Variants in GLDN observed in about 807,000 individuals in gnomAD.
The protein encoded by GLDN is gliomedin, also known as collomin.
GLDN carries 47 observed loss-of-function variants against 56.5 expected under a neutral mutation model. That is an observed-to-expected ratio of 0.83 (90% CI 0.66 to 1.06). The LOEUF is 1.06. GLDN is among the 50% of genes least tolerant of loss of function. The pLI is 0.00. For synonymous variants in GLDN, 332 were observed against 278.8 expected (o/e 1.19, Z -1.90); for missense variants, 782 against 714.3 (o/e 1.09, Z -1.08).
At chr15:51,343,712 A>C (rs960086922) in intron 1 of GLDN, among the ~76,000 whole-genome samples, 6 of 152,182 alleles carry the variant, frequency 3.9e-5, no homozygotes, top group Non-Finnish European at 8.8e-5. Flanking sequence ...TTGACCTTTT[A>C]GAGTCATGAG....
rs2038415496 is a variant in GLDN at position 51,407,745 on chromosome 15, G to C, written c.*2991G>C. On this transcript the variant is annotated 3_prime_UTR_variant, in exon 10 of 10. Transcript: ENST00000335449. ...ACAAGGTGAAAAGTCAAATGAAACA[G>C]TACAATTCTTGATGAGTGAGGTGTC... 1 of 152,208 alleles carries C rather than the reference G, an allele frequency of 6.6e-6. No homozygotes were observed. Among genetic ancestry groups the C allele is most frequent in the Non-Finnish European group, 1.5e-5 (1 of 68,042 alleles). The allele number at this position is 152,208 out of a possible 1,614,324, so 9.4% of individuals were successfully genotyped here.
At chr15:51,353,961 C>A (rs1288879618) in intron 1 of GLDN, among the ~76,000 whole-genome samples, 4 of 152,084 alleles carry the variant, frequency 2.6e-5, no homozygotes, top group Non-Finnish European at 5.9e-5. Context: ...ATTTTGCAGC[C>A]CATCCGTTGC....
At chr15:51,377,631 A>G (rs1595821061) in intron 2 of GLDN, 131 bp downstream of exon 2, 2 of 613,244 alleles carry the variant, frequency 3.3e-6, no homozygotes, top group Non-Finnish European at 5.6e-6. Flanking sequence ...AGATGTTTTT[A>G]ATGAGCTGAA....
downstream of GLDN, among the ~76,000 whole-genome samples, chr15:51,410,882 T>A (rs1172316630): frequency 6.6e-6 from 1 of 152,174 alleles, no homozygotes; most frequent in Non-Finnish European, 1.5e-5. Context: ...GCCACTGAAA[T>A]GGGGCTTTGG....
At chr15:51,367,400 G>C (rs2037427070) in intron 1 of GLDN, 1 of 152,256 alleles carries the variant, frequency 6.6e-6, no homozygotes, top group South Asian at 2.1e-4. Context: ...CAGAGCCCCA[G>C]CTCCTGTGAC....
At chr15:51,398,416 C>T (rs1354699927) in intron 6 of GLDN, among the ~76,000 whole-genome samples, 6 of 152,186 alleles carry the variant, frequency 3.9e-5, no homozygotes, top group African/African-American at 1.4e-4. Context: ...GCTAGGACTT[C>T]TCTCCCAAAG....
chr15:51,363,725 C>T (rs1416594542), intron 1 of GLDN, among the ~76,000 whole-genome samples: 2 of 152,226 alleles, frequency 1.3e-5, no homozygotes, highest in Non-Finnish European at 2.9e-5. Flanking sequence ...GGCAGCATAC[C>T]AGTCAAATCT....
chr15:51,374,048 T>A (rs2037571895), intron 1 of GLDN, among the ~76,000 whole-genome samples: 1 of 152,222 alleles, frequency 6.6e-6, no homozygotes, highest in African/African-American at 2.4e-5. Flanking sequence ...CCAATTTCGT[T>A]AAAAGACTAT....
In GLDN at chr15:51,404,452, C is replaced by T; in HGVS notation, c.1354C>T (p.Leu452=). The change falls in exon 10 of 10, where the codon CTG becomes TTG. Residue 452 remains leucine, a synonymous_variant. Transcript: ENST00000335449. The part of the protein sequence containing the change: ...VDGSSILVAQ[L]DERTFSVVQH... ...CGGCTCGAGCATTCTTGTAGCACAA[C>T]TGGATGAGAGGACATTCTCAGTGGT... 1 of 1,614,150 alleles carries T rather than the reference C, an allele frequency of 6.2e-7. No individual in the cohort carries two copies. Among genetic ancestry groups the T allele is most frequent in the Non-Finnish European group, 8.5e-7 (1 of 1,180,034 alleles).
intron 1 of GLDN, among the ~76,000 whole-genome samples, chr15:51,352,141 G>A (rs2446420): frequency 0.56 from 85,735 of 151,802 alleles, 26,893 homozygotes; most frequent in African/African-American, 0.84. Flanking sequence ...TCTAGGTGCC[G>A]AAAGATTGGG....
chr15:51,342,081 G>A, intron 1 of GLDN, 34 bp downstream of exon 1: 1 of 1,588,226 alleles, frequency 6.3e-7, no homozygotes, highest in African/African-American at 1.4e-5. Flanking sequence ...TGGCGCCCCG[G>A]CCAGGTGGGC....
At chr15:51,376,379 C>T (rs1483724930) in intron 1 of GLDN, among the ~76,000 whole-genome samples, 1 of 152,174 alleles carries the variant, frequency 6.6e-6, no homozygotes, top group Non-Finnish European at 1.5e-5. Flanking sequence ...AATGGCTCAC[C>T]TGTATAGGAC....
intron 2 of GLDN, among the ~76,000 whole-genome samples, chr15:51,379,021 A>G (rs1366428088): frequency 1.3e-5 from 2 of 152,122 alleles, no homozygotes; most frequent in African/African-American, 4.8e-5. Context: ...AAAAGCAGGC[A>G]CTCATAACTT....
rs1351339416 is a variant in GLDN, at chr15:51,392,248, A to G, written c.542-2587A>G. Among the ~76,000 whole-genome samples, 4 of 152,328 alleles carry G rather than the reference A, an allele frequency of 2.6e-5. No homozygotes were observed. In the East Asian group the frequency reaches 7.7e-4, roughly 29 times the overall value. On this transcript the variant is annotated intron_variant, in intron 4 of 9. Coordinates refer to ENST00000335449, the MANE Select transcript of GLDN (RefSeq NM_181789.4). ...CATGACCTGTTAGGAACTGGGCCGT[A>G]CAGCAGGAGGTGAGCGGCAGATGAT... is the stretch of plus-strand genomic sequence containing the variant.
At chr15:51,363,702 G>A (rs559304710) in intron 1 of GLDN, among the ~76,000 whole-genome samples, 8 of 152,342 alleles carry the variant, frequency 5.3e-5, no homozygotes, top group South Asian at 4.1e-4. Flanking sequence ...ATCAGGAAGC[G>A]TTTCGAGAAG....
At position 51,359,930 on chromosome 15, in the gene GLDN, G is replaced by T. The variant is rs914925213; in HGVS notation, c.364-17519G>T. ...GGAGGCGGAGCTTGCAGTGAGCCTA[G>T]ATTGCGCCACTGCACTCCAGCCTGG... On this transcript the variant is annotated intron_variant, in intron 1 of 9. Transcript: ENST00000335449. Among the ~76,000 whole-genome samples the T allele has an allele frequency of 8.3e-5, 12 of 144,078 alleles. No individual in the cohort carries two copies. The South Asian group carries it at 8.7e-4, about 10-fold the overall frequency. The allele number at this position is 144,078 out of a possible 152,430, so 94.5% of individuals were successfully genotyped here. A position where few individuals can be genotyped will look rare whatever the true frequency, so the allele number is the denominator to read the frequency against.
intron 1 of GLDN, among the ~76,000 whole-genome samples, chr15:51,374,151 T>C (rs2037575100): frequency 6.6e-6 from 1 of 152,144 alleles, no homozygotes; most frequent in African/African-American, 2.4e-5. Flanking sequence ...TGAAAACTGC[T>C]TCATAGTTTT....
At chr15:51,358,123 T>G (rs1212111887) in intron 1 of GLDN, among the ~76,000 whole-genome samples, 1 of 152,212 alleles carries the variant, frequency 6.6e-6, no homozygotes, top group Non-Finnish European at 1.5e-5. Flanking sequence ...ACTGTAGAAC[T>G]TCTCCACTCA....
intron 1 of GLDN, among the ~76,000 whole-genome samples, chr15:51,344,908 A>G (rs1232364044): frequency 6.6e-6 from 1 of 152,236 alleles, no homozygotes; most frequent in Non-Finnish European, 1.5e-5. Context: ...ATAATTATTA[A>G]GTACAGTTAA....
Sources: allele counts gnomAD v4.1 joint callset (sites outside exome capture counted in the v4.1 genomes callset), GRCh38; gene constraint gnomAD v4.1.1; transcripts MANE v1.5; gene names NCBI Gene and HGNC (gene_info 2026-07-23, HGNC 2026-07-21).